CCDC7: variants seen among roughly 807,000 people sequenced by gnomAD.
The protein encoded by CCDC7 is coiled-coil domain containing 7, also known as coiled-coil domain-containing protein 7.
CCDC7 carries 183 observed loss-of-function variants against 196.9 expected under a neutral mutation model. The observed-to-expected ratio is 0.93, with a 90% CI of 0.82 to 1.05. CCDC7 has a LOEUF of 1.05. Among genes scored for constraint, CCDC7 ranks in the 50% least tolerant of loss-of-function variants. The probability of loss-of-function intolerance (pLI) is 0.00; values close to 1 mark genes in which losing one functional copy is unlikely to be tolerated. For synonymous variants in CCDC7, 525 were observed against 484.6 expected (o/e 1.08, Z -1.10); for missense variants, 1,540 against 1,482.2 (o/e 1.04, Z -0.64).
intron 28 of CCDC7, among the ~76,000 whole-genome samples, chr10:32,740,002 A>T (rs2085549699): frequency 6.6e-6 from 1 of 151,998 alleles, no homozygotes; most frequent in African/African-American, 2.4e-5. Context: ...GCAATCTATA[A>T]TCCTCTAATT....
At chr10:32,668,969 G>T (rs2073451232) in intron 21 of CCDC7, among the ~76,000 whole-genome samples, 1 of 152,014 alleles carries the variant, frequency 6.6e-6, no homozygotes, top group Admixed American at 6.6e-5. Context: ...TCCTTGTCTT[G>T]TTTCTTATCT....
intron 29 of CCDC7, among the ~76,000 whole-genome samples, chr10:32,801,908 C>T (rs2084875354): frequency 6.6e-6 from 1 of 152,184 alleles, no homozygotes; most frequent in Admixed American, 6.5e-5. Flanking sequence ...AATTTAGGAG[C>T]TCAGTGCCTC....
chr10:32,774,087 T>C (rs1211645595), intron 28 of CCDC7, among the ~76,000 whole-genome samples: 1 of 152,192 alleles, frequency 6.6e-6, no homozygotes, highest in Non-Finnish European at 1.5e-5. Context: ...GCCAAACATG[T>C]TGATGTTTCC....
chr10:32,665,700 C>T (rs756919602), intron 21 of CCDC7, among the ~76,000 whole-genome samples: 4 of 151,836 alleles, frequency 2.6e-5, no homozygotes, highest in Admixed American at 1.3e-4. Flanking sequence ...GGCTATTCAG[C>T]GTCTTTTATG....
intron 18 of CCDC7, among the ~76,000 whole-genome samples, chr10:32,602,214 A>G (rs2138374710): frequency 6.6e-6 from 1 of 152,134 alleles, no homozygotes; most frequent in Non-Finnish European, 1.5e-5. Flanking sequence ...GTTAACACTC[A>G]CTGCGAAGGT....
At chr10:32,602,256 A>G (rs1590408224) in intron 18 of CCDC7, among the ~76,000 whole-genome samples, 1 of 152,220 alleles carries the variant, frequency 6.6e-6, no homozygotes, top group Middle Eastern at 3.4e-3. Flanking sequence ...TAGCAAGACC[A>G]CGAACCCACC....
chr10:32,566,389 A>T (rs1204938685), intron 14 of CCDC7, among the ~76,000 whole-genome samples: 1 of 152,200 alleles, frequency 6.6e-6, no homozygotes, highest in Admixed American at 6.6e-5. Flanking sequence ...GAGATTTTGT[A>T]CAAGTATGTA....
intron 9 of CCDC7, among the ~76,000 whole-genome samples, chr10:32,495,986 T>C (rs2042858922): frequency 6.6e-6 from 1 of 152,228 alleles, no homozygotes; most frequent in African/African-American, 2.4e-5. Context: ...CTTTGGGCAG[T>C]ATGGCCATTT....
chr10:32,765,458 A>G (rs1169002939), intron 28 of CCDC7, among the ~76,000 whole-genome samples: 2 of 151,998 alleles, frequency 1.3e-5, no homozygotes, highest in Non-Finnish European at 2.9e-5. Flanking sequence ...CAGTTTGTGA[A>G]TGTATAATTT....
intron 33 of CCDC7, among the ~76,000 whole-genome samples, chr10:32,837,698 G>A (rs938699571): frequency 3.3e-5 from 5 of 151,970 alleles, no homozygotes; most frequent in African/African-American, 1.2e-4. Flanking sequence ...ATGATAGACT[G>A]GATTAAGAAA....
rs201625535 is a variant in CCDC7, at chr10:32,876,320, C to T, written c.4112-27C>T. ...ACTGGAGTAAAATTAAACTTTTTTT[C>T]AATTAACACATAACTTTTCTTTAAA... On this transcript the variant is annotated intron_variant, in intron 41 of 41. Transcript: ENST00000639629. 3.7e-5 allele frequency: 59 copies of T among 1,581,682 alleles called. No homozygotes were observed. The East Asian group carries it at 1.0e-3, about 28-fold the overall frequency.
intron 9 of CCDC7, among the ~76,000 whole-genome samples, chr10:32,504,273 C>G (rs1465784652): frequency 6.6e-6 from 1 of 151,838 alleles, no homozygotes; most frequent in Non-Finnish European, 1.5e-5. Context: ...CCTGCCACAA[C>G]GCCCGGCTAA....
chr10:32,555,288 C>T (rs2054173812), intron 13 of CCDC7, among the ~76,000 whole-genome samples: 1 of 150,860 alleles, frequency 6.6e-6, no homozygotes, highest in Non-Finnish European at 1.5e-5. Flanking sequence ...GCTGTGTGGC[C>T]AGGCCAGAGT....
intron 24 of CCDC7, among the ~76,000 whole-genome samples, chr10:32,703,548 T>G (rs1195407265): frequency 6.6e-6 from 1 of 152,034 alleles, no homozygotes; most frequent in South Asian, 2.1e-4. Context: ...TTTCCTGAAT[T>G]TGAATGTTGG....
At chr10:32,760,407 A>C (rs1256857281) in intron 28 of CCDC7, among the ~76,000 whole-genome samples, 1 of 152,008 alleles carries the variant, frequency 6.6e-6, no homozygotes, top group Non-Finnish European at 1.5e-5. Context: ...ATGGAATACT[A>C]TGCAGCCATA....
chr10:32,711,036 A>G lies in CCDC7; in HGVS notation c.2459-584A>G, dbSNP rs1334047847. ...CACTGTATGTACAGCCATGTGTACC[A>G]TATCATAAACCATATATATTCATCC... is the stretch of plus-strand genomic sequence containing the variant. On this transcript the variant is annotated intron_variant, in intron 24 of 41. Transcript: ENST00000639629. Among the ~76,000 whole-genome samples, 8 of 152,296 alleles carry G rather than the reference A, an allele frequency of 5.3e-5. No homozygotes were observed. In the East Asian group the frequency reaches 1.5e-3, roughly 29 times the overall value.
chr10:32,854,554 A>G (rs367984933), intron 41 of CCDC7, 65 bp downstream of exon 42: 23 of 1,051,124 alleles, frequency 2.2e-5, no homozygotes, highest in Non-Finnish European at 2.4e-5. Context: ...CATCGTCTCT[A>G]TTTACCAACC....
chr10:32,626,188 G>T (rs2064021298), intron 18 of CCDC7, among the ~76,000 whole-genome samples: 1 of 152,024 alleles, frequency 6.6e-6, no homozygotes, highest in Non-Finnish European at 1.5e-5. Flanking sequence ...CCTGCTAACA[G>T]TGTACAAGAG....
intron 11 of CCDC7, among the ~76,000 whole-genome samples, chr10:32,528,680 G>A (rs12761283): frequency 0.46 from 62,742 of 137,166 alleles, 14,106 homozygotes; most frequent in East Asian, 0.59. Context: ...ATATATATAT[G>A]CATATATATA....
Sources: gnomAD v4.1 joint callset for allele counts (sites outside exome capture counted in the v4.1 genomes callset) on GRCh38, gnomAD v4.1.1 for gene constraint, MANE v1.5 for transcripts, NCBI Gene and HGNC (gene_info 2026-07-23, HGNC 2026-07-21) for gene names.